TRAPPC9: variants seen among roughly 807,000 people sequenced by gnomAD.
TRAPPC9 encodes IKK2 binding protein.
A neutral mutation model predicts 124.0 loss-of-function variants in TRAPPC9; 83 were observed. That is an observed-to-expected ratio of 0.67 (90% CI 0.56 to 0.80). The LOEUF (loss-of-function observed/expected upper bound fraction) is 0.80, where lower values mean the gene tolerates loss of function less well. Ranked by LOEUF, TRAPPC9 falls within the 30% of genes least tolerant of loss-of-function variation. The pLI is 0.00. For missense variants in TRAPPC9, 1,302 were observed against 1,508.3 expected (o/e 0.86, Z 2.27); for synonymous variants, 638 against 617.5 (o/e 1.03, Z -0.49).
At chr8:139,778,436 G>T (rs1586823336) in intron 21 of TRAPPC9, among the ~76,000 whole-genome samples, 1 of 152,200 alleles carries the variant, frequency 6.6e-6, no homozygotes, top group Non-Finnish European at 1.5e-5. Flanking sequence ...CAAAGAAACA[G>T]AAAAATATGA....
chr8:140,323,531 C>A (rs2131956190), intron 9 of TRAPPC9, among the ~76,000 whole-genome samples: 1 of 152,146 alleles, frequency 6.6e-6, no homozygotes, highest in Non-Finnish European at 1.5e-5. Flanking sequence ...TAGACGGTAT[C>A]AGAAGTAAAT....
intron 18 of TRAPPC9, among the ~76,000 whole-genome samples, chr8:140,009,381 C>A (rs1838973012): frequency 6.6e-6 from 1 of 152,184 alleles, no homozygotes; most frequent in Non-Finnish European, 1.5e-5. Context: ...GAAAACCAAT[C>A]ATGTATATGA....
At chr8:139,826,464 G>A (rs1488499472) in intron 21 of TRAPPC9, among the ~76,000 whole-genome samples, 3 of 150,252 alleles carry the variant, frequency 2.0e-5, no homozygotes, top group Non-Finnish European at 3.0e-5. Context: ...TCCTTCCCCC[G>A]CAGGGTCGGT....
chr8:139,752,655 C>T (rs1313668208), intron 21 of TRAPPC9, among the ~76,000 whole-genome samples: 1 of 151,232 alleles, frequency 6.6e-6, no homozygotes, highest in Non-Finnish European at 1.5e-5. Context: ...CCAAAATCCA[C>T]CATTCCTCCA....
At chr8:140,362,366 C>T (rs898502288) in intron 8 of TRAPPC9, among the ~76,000 whole-genome samples, 14 of 151,968 alleles carry the variant, frequency 9.2e-5, no homozygotes, top group Admixed American at 5.2e-4. Flanking sequence ...ACAAAAAAAC[C>T]AATAAAGTAA....
chr8:140,106,509 A>G (rs1313023612), intron 17 of TRAPPC9, among the ~76,000 whole-genome samples: 2 of 152,168 alleles, frequency 1.3e-5, no homozygotes, highest in Non-Finnish European at 2.9e-5. Context: ...GTCACGGCCT[A>G]TGGGGCTGCT....
chr8:139,965,747 G>T (rs1375750882), intron 19 of TRAPPC9, among the ~76,000 whole-genome samples: 1 of 152,272 alleles, frequency 6.6e-6, no homozygotes, highest in African/African-American at 2.4e-5. Context: ...CTTTTAAAAA[G>T]CAGAGACGCA....
At chr8:140,434,953 G>C (rs1169782922) in intron 4 of TRAPPC9, among the ~76,000 whole-genome samples, 159 bp downstream of exon 4, 1 of 150,720 alleles carries the variant, frequency 6.6e-6, no homozygotes, top group Non-Finnish European at 1.5e-5. Context: ...CCGGGCAACA[G>C]TGCAAGACTC....
chr8:140,064,035 T>C lies in TRAPPC9; in HGVS notation c.2557-39956A>G, dbSNP rs192619053. 5.8e-3 allele frequency among the ~76,000 whole-genome samples: 883 copies of C among 152,140 alleles called. 4 individuals carry two copies. Among genetic ancestry groups the C allele is most frequent in the Admixed American group, 0.011 (168 of 15,284 alleles). ...CATGAAGTGAAGGATGAATTCCTTT[T>C]TCTCTGTGTAGCCATTTATCTAGTG... On this transcript the variant is annotated intron_variant, in intron 17 of 22. Transcript: ENST00000438773.
At chr8:139,953,794 T>C (rs896307023) in intron 19 of TRAPPC9, among the ~76,000 whole-genome samples, 1 of 152,136 alleles carries the variant, frequency 6.6e-6, no homozygotes, top group African/African-American at 2.4e-5. Context: ...AGCAGACATA[T>C]AAAAATGCTT....
intron 17 of TRAPPC9, among the ~76,000 whole-genome samples, chr8:140,154,452 C>T (rs1587820453): frequency 1.3e-5 from 2 of 152,174 alleles, no homozygotes; most frequent in South Asian, 2.1e-4. Flanking sequence ...CCTCCTCAAG[C>T]GCAGTCCTGA....
At chr8:140,370,340 T>C (rs2068245636) in intron 8 of TRAPPC9, among the ~76,000 whole-genome samples, 1 of 152,032 alleles carries the variant, frequency 6.6e-6, no homozygotes, top group South Asian at 2.1e-4. Flanking sequence ...TGTTTCACCA[T>C]GTTGGCCAGG....
At chr8:139,858,604 G>A (rs1337442134) in intron 21 of TRAPPC9, among the ~76,000 whole-genome samples, 1 of 152,180 alleles carries the variant, frequency 6.6e-6, no homozygotes, top group Non-Finnish European at 1.5e-5. Flanking sequence ...TAGATCTGGG[G>A]ACTGGGTGGG....
chr8:140,132,041 C>T (rs1392552870), intron 17 of TRAPPC9, among the ~76,000 whole-genome samples: 3 of 152,232 alleles, frequency 2.0e-5, no homozygotes, highest in South Asian at 2.1e-4. Flanking sequence ...CTGAAGGCCA[C>T]GTAGTCCCTG....
chr8:140,430,812 G>C (rs556141356), intron 4 of TRAPPC9, among the ~76,000 whole-genome samples: 1 of 151,986 alleles, frequency 6.6e-6, no homozygotes, highest in South Asian at 2.1e-4. Context: ...CTAATTTTTT[G>C]TATTTTTTGT....
chr8:140,360,785 G>A (rs1256020731), intron 8 of TRAPPC9, among the ~76,000 whole-genome samples: 3 of 152,216 alleles, frequency 2.0e-5, no homozygotes, highest in African/African-American at 7.2e-5. Context: ...CCAGGCTGGA[G>A]TGTGGTGGTG....
At chr8:139,830,019 G>A (rs972363601) in intron 21 of TRAPPC9, among the ~76,000 whole-genome samples, 5 of 152,230 alleles carry the variant, frequency 3.3e-5, no homozygotes, top group African/African-American at 1.2e-4. Flanking sequence ...CATGGAAGGA[G>A]AGAGAGAAGA....
chr8:140,165,969 C>T (rs1285555849), intron 17 of TRAPPC9, among the ~76,000 whole-genome samples: 1 of 152,152 alleles, frequency 6.6e-6, no homozygotes, highest in Non-Finnish European at 1.5e-5. Flanking sequence ...TCCTGCCTCC[C>T]TCGATGTCTG....
intron 17 of TRAPPC9, among the ~76,000 whole-genome samples, chr8:140,112,923 C>G (rs2060810331): frequency 6.6e-6 from 1 of 151,484 alleles, no homozygotes; most frequent in Non-Finnish European, 1.5e-5. Flanking sequence ...TCACTGCAAC[C>G]TCCGCCTCCT....
Sources: allele counts gnomAD v4.1 joint callset (sites outside exome capture counted in the v4.1 genomes callset), GRCh38; gene constraint gnomAD v4.1.1; transcripts MANE v1.5; gene names NCBI Gene and HGNC (gene_info 2026-07-23, HGNC 2026-07-21).